Variants in CLIP4 observed in about 807,000 individuals in gnomAD.
The protein encoded by CLIP4 is CAP-Gly domain-containing linker protein 4.
CLIP4 carries 47 observed loss-of-function variants against 73.1 expected under a neutral mutation model. That is an observed-to-expected ratio of 0.64 (90% CI 0.51 to 0.82). The LOEUF (loss-of-function observed/expected upper bound fraction) is 0.82, where lower values mean the gene tolerates loss of function less well. Ranked by LOEUF, CLIP4 falls within the 40% of genes least tolerant of loss-of-function variation. The pLI is 0.00. For missense variants in CLIP4, 874 were observed against 852.9 expected, an observed-to-expected ratio of 1.02 and a Z score of -0.31; for synonymous variants, 306 against 295.4, an observed-to-expected ratio of 1.04 and a Z score of -0.37.
intron 14 of CLIP4, chr2:29,167,944 A>T (rs1667735454): frequency 6.5e-6 from 1 of 153,720 alleles, no homozygotes; most frequent in South Asian, 2.1e-4. Flanking sequence ...ATTGATGGTT[A>T]TTTGGGTTAT....
upstream of CLIP4, among the ~76,000 whole-genome samples, chr2:29,113,599 C>T (rs565630358): frequency 4.6e-5 from 7 of 152,168 alleles, no homozygotes; most frequent in Non-Finnish European, 7.3e-5. The surrounding 1 kb of genome is among the most constrained non-coding windows in gnomAD (Gnocchi z 4.0). Flanking sequence ...TGGGAATTTG[C>T]CTATGTATCA....
chr2:29,132,621 A>G (rs577605657), intron 4 of CLIP4: 12 of 177,642 alleles, frequency 6.8e-5, no homozygotes, highest in African/African-American at 2.1e-4. Flanking sequence ...CTGTTCCTAC[A>G]TATGTAACAT....
chr2:29,133,178 A>T (rs939365241), intron 4 of CLIP4, among the ~76,000 whole-genome samples: 1 of 152,194 alleles, frequency 6.6e-6, no homozygotes, highest in Admixed American at 6.5e-5. Flanking sequence ...ACAGAGCAAG[A>T]CTGTCTTTAA....
At chr2:29,157,167 A>G (rs768217397) in intron 10 of CLIP4, 37 bp from the exon 11 acceptor site, 2 of 1,592,244 alleles carry the variant, frequency 1.3e-6, no homozygotes, top group Non-Finnish European at 1.7e-6. Flanking sequence ...TCCACATCTT[A>G]TTTTCCACCG....
At position 29,117,951 on chromosome 2, in the gene CLIP4, TTCTC is replaced by T. The variant is rs576968027; in HGVS notation, c.-16+2290_-16+2293del. Among the ~76,000 whole-genome samples, 32 of 152,382 alleles carry T rather than the reference TTCTC, an allele frequency of 2.1e-4. No homozygotes were observed. The South Asian group carries it at 6.0e-3, about 29-fold the overall frequency. On this transcript the variant is annotated intron_variant, in intron 1 of 15. Coordinates refer to ENST00000320081, the MANE Select transcript of CLIP4 (RefSeq NM_024692.6). The stretch of plus-strand genomic sequence containing the variant: ...TCAGGGCAGGTATTTCAATTTTTAA[TTCTC>T]TCTAAGGCCAACTAAGTGTTCAGTA...
chr2:29,178,080 A>G (rs1668446024), intron 15 of CLIP4, among the ~76,000 whole-genome samples: 1 of 152,226 alleles, frequency 6.6e-6, no homozygotes, highest in Non-Finnish European at 1.5e-5. Context: ...AAGAAAAACC[A>G]AATGCAAAAA....
chr2:29,133,856 A>AGTGTT, intron 5 of CLIP4, 40 bp downstream of exon 5: 1 of 1,491,640 alleles, frequency 6.7e-7, no homozygotes, highest in African/African-American at 1.4e-5. Flanking sequence ...TATTAACTGA[A>AGTGTT]CACTTTAGTG....
chr2:29,154,452 G>A (rs1407723416), intron 9 of CLIP4, among the ~76,000 whole-genome samples: 1 of 152,192 alleles, frequency 6.6e-6, no homozygotes, highest in Non-Finnish European at 1.5e-5. Flanking sequence ...CCATGTCTCT[G>A]ACCAGAGAAA....
chr2:29,121,360 CT>C lies in CLIP4; in HGVS notation c.-15-11del, dbSNP rs750338595. 1 of 1,555,352 alleles carries C rather than the reference CT, an allele frequency of 6.4e-7. No homozygotes were observed. The highest frequency in any genetic ancestry group is 2.1e-5 in the Admixed American group (1 of 46,538). On this transcript the variant is annotated splice_polypyrimidine_tract_variant and intron_variant, in intron 1 of 15. Coordinates refer to ENST00000320081, the MANE Select transcript of CLIP4 (RefSeq NM_024692.6). ...AATAAAGTAGAAACACTTTTTTTTT[CT>C]TTCTTATTATAGGTGGCTTTCTAGA...
chr2:29,132,101 A>C, intron 3 of CLIP4, 51 bp from the exon 4 acceptor site: 2 of 1,366,288 alleles, frequency 1.5e-6, no homozygotes, highest in Non-Finnish European at 2.1e-6. Flanking sequence ...TTTGAAAGCA[A>C]TAGGTACCTC....
At chr2:29,124,521 T>A (rs1344655110) in intron 2 of CLIP4, among the ~76,000 whole-genome samples, 1 of 152,164 alleles carries the variant, frequency 6.6e-6, no homozygotes, top group Non-Finnish European at 1.5e-5. Flanking sequence ...GGAAATCATT[T>A]AAAAAAATTT....
At chr2:29,177,640 G>T (rs541755427) in intron 15 of CLIP4, among the ~76,000 whole-genome samples, 17 of 152,032 alleles carry the variant, frequency 1.1e-4, no homozygotes, top group African/African-American at 4.1e-4. Flanking sequence ...CCTTTTCTGT[G>T]TGCCTATCTT....
chr2:29,107,790 G>C (rs576882137), intron 1 of CLIP4, among the ~76,000 whole-genome samples: 30 of 149,120 alleles, frequency 2.0e-4, no homozygotes, highest in Non-Finnish European at 4.0e-4. Context: ...GGGCTCAAGC[G>C]AGCCTCCTGC....
intron 14 of CLIP4, chr2:29,167,968 T>G (rs963333743): frequency 2.0e-5 from 3 of 152,684 alleles, no homozygotes; most frequent in African/African-American, 4.8e-5. Context: ...CTGTGTCTTT[T>G]CTATTACAAA....
chr2:29,146,671 T>TATG (rs372107738), intron 8 of CLIP4, among the ~76,000 whole-genome samples: 1 of 152,030 alleles, frequency 6.6e-6, no homozygotes, highest in Non-Finnish European at 1.5e-5. Flanking sequence ...GGTGGTGTGG[T>TATG]ATGATGATGA....
intron 1 of CLIP4, among the ~76,000 whole-genome samples, chr2:29,102,513 C>T (rs1307451440): frequency 3.9e-5 from 6 of 152,182 alleles, no homozygotes; most frequent in Admixed American, 3.9e-4. Context: ...AACTCCCTGG[C>T]TCTCGTCCCT....
intron 15 of CLIP4, among the ~76,000 whole-genome samples, chr2:29,178,441 A>C (rs1466471503): frequency 1.3e-5 from 2 of 152,020 alleles, no homozygotes; most frequent in Non-Finnish European, 2.9e-5. Context: ...TCAGCCTCCC[A>C]AAATTCAGGG....
At chr2:29,174,858 T>C (rs556597831) in intron 15 of CLIP4, 3 of 227,318 alleles carry the variant, frequency 1.3e-5, no homozygotes, top group African/African-American at 7.0e-5. Context: ...CCAATTCCTC[T>C]TAAGAGTATA....
intron 15 of CLIP4, among the ~76,000 whole-genome samples, chr2:29,178,300 C>T (rs1488762122): frequency 6.6e-6 from 1 of 152,118 alleles, no homozygotes; most frequent in Non-Finnish European, 1.5e-5. Context: ...CTGCCTCAGC[C>T]TCCTGAGTAG....
Sources: allele counts gnomAD v4.1 joint callset (sites outside exome capture counted in the v4.1 genomes callset), GRCh38; gene constraint gnomAD v4.1.1; non-coding constraint Gnocchi (gnomAD v3.1); transcripts MANE v1.5; gene names NCBI Gene and HGNC (gene_info 2026-07-23, HGNC 2026-07-21).